Variants in COL19A1 observed in about 807,000 individuals in gnomAD.
The protein encoded by COL19A1 is collagen type XIX alpha 1 chain.
COL19A1 carries 159 observed loss-of-function variants against 190.2 expected under a neutral mutation model. The ratio of observed to expected loss-of-function variants is 0.84; its 90% CI spans 0.73 to 0.95. COL19A1 has a LOEUF of 0.95. Ranked by LOEUF, COL19A1 falls within the 40% of genes least tolerant of loss-of-function variation. The pLI, the probability that COL19A1 is intolerant of heterozygous loss-of-function variation, is 0.00. For synonymous variants in COL19A1, 509 were observed against 458.9 expected (o/e 1.11, Z -1.39); for missense variants, 1,418 against 1,431.9 (o/e 0.99, Z 0.16).
At chr6:70,131,034 T>G in intron 18 of COL19A1, 1 of 462,220 alleles carries the variant, frequency 2.2e-6, no homozygotes, top group Non-Finnish European at 4.5e-6. Flanking sequence ...TTCCGTTGCA[T>G]TCCCCTTGTC....
intron 2 of COL19A1, among the ~76,000 whole-genome samples, chr6:69,883,965 A>G (rs988076189): frequency 6.6e-6 from 1 of 150,394 alleles, no homozygotes; most frequent in Admixed American, 6.6e-5. Context: ...ATAAAAAAAA[A>G]GTGTAAAAGA....
chr6:69,902,064 G>T (rs1434427707), intron 4 of COL19A1, among the ~76,000 whole-genome samples: 2 of 152,168 alleles, frequency 1.3e-5, no homozygotes, highest in African/African-American at 4.8e-5. Context: ...TGGTTCTGTG[G>T]AGCAGAACCT....
intron 17 of COL19A1, among the ~76,000 whole-genome samples, chr6:70,126,940 T>A (rs1159368305): frequency 2.0e-5 from 3 of 152,208 alleles, no homozygotes; most frequent in Admixed American, 2.0e-4. Context: ...AAGTTTTCTA[T>A]CAGCACATGT....
At chr6:70,102,917 C>T (rs1362421891) in intron 16 of COL19A1, among the ~76,000 whole-genome samples, 1 of 152,122 alleles carries the variant, frequency 6.6e-6, no homozygotes. Flanking sequence ...CTATTGACTG[C>T]TCTCTCCTTG....
At chr6:69,952,161 A>C (rs1470105565) in intron 9 of COL19A1, among the ~76,000 whole-genome samples, 1 of 151,920 alleles carries the variant, frequency 6.6e-6, no homozygotes, top group Non-Finnish European at 1.5e-5. Context: ...ATTAAGAATC[A>C]TTATGCATAT....
At position 69,950,302 on chromosome 6, in the gene COL19A1, G is replaced by A. The variant is rs569077500; in HGVS notation, c.937-9694G>A. Among the ~76,000 whole-genome samples, 7 of 151,848 alleles carry A rather than the reference G, an allele frequency of 4.6e-5. No individual in the cohort carries two copies. The South Asian group carries it at 1.5e-3, about 32-fold the overall frequency. On this transcript the variant is annotated intron_variant, in intron 9 of 50. Coordinates refer to ENST00000620364, the MANE Select transcript of COL19A1 (RefSeq NM_001858.6). ...TGTGGAGTCATGAGGACTCTAATAA[G>A]GATGAAGTATAGCATTTAGTTATGT... is the stretch of plus-strand genomic sequence containing the variant.
At chr6:70,044,710 G>T (rs1204439157) in intron 14 of COL19A1, among the ~76,000 whole-genome samples, 1 of 152,074 alleles carries the variant, frequency 6.6e-6, no homozygotes, top group African/African-American at 2.4e-5. Flanking sequence ...AATGCCAGTG[G>T]CAGATATGTT....
chr6:69,912,435 A>G (rs1239803048), intron 4 of COL19A1, among the ~76,000 whole-genome samples: 2 of 152,214 alleles, frequency 1.3e-5, no homozygotes, highest in East Asian at 1.9e-4. Flanking sequence ...AAAGTGATGC[A>G]CATGTGTTCA....
At chr6:69,976,099 C>A (rs1187104528) in intron 11 of COL19A1, among the ~76,000 whole-genome samples, 2 of 152,072 alleles carry the variant, frequency 1.3e-5, no homozygotes, top group African/African-American at 4.8e-5. Context: ...ACTTACTCAT[C>A]ATTCATGTAT....
At chr6:69,933,813 T>C (rs1261709053) in intron 7 of COL19A1, among the ~76,000 whole-genome samples, 15 of 151,990 alleles carry the variant, frequency 9.9e-5, no homozygotes. Flanking sequence ...TAATGCTTCA[T>C]TTGGAAAAAG....
chr6:70,207,189 GC>G lies in COL19A1; in HGVS notation c.3350del (p.Pro1117GlnfsTer30). On this transcript the variant is annotated frameshift_variant, in exon 51 of 51. Coordinates refer to ENST00000620364, the MANE Select transcript of COL19A1 (RefSeq NM_001858.6). LOFTEE classifies it high-confidence loss of function. ...TCACCAGGTGCCCCAGGCCCACAGGGCCCCCCAGGACCCAGTGGAAGATGTA... is the reference window on the plus strand; with the variant it reads ...TCACCAGGTGCCCCAGGCCCACAGGGCCCCCAGGACCCAGTGGAAGATGTA... ...PGSPGAPGPQ[G>X]PPGPSGRCNP... is the part of the protein sequence containing the mutation. 11 of 1,613,250 alleles carry G rather than the reference GC, an allele frequency of 6.8e-6. No homozygotes were observed. The highest frequency in any genetic ancestry group is 1.3e-5 in the African/African-American group (1 of 74,918).
At chr6:69,973,165 C>T (rs1221771796) in intron 11 of COL19A1, among the ~76,000 whole-genome samples, 2 of 152,120 alleles carry the variant, frequency 1.3e-5, no homozygotes, top group Non-Finnish European at 2.9e-5. Context: ...TACAATGTGC[C>T]TACATTTTGC....
At chr6:69,899,490 G>A (rs1406146840) in intron 3 of COL19A1, among the ~76,000 whole-genome samples, 1 of 151,844 alleles carries the variant, frequency 6.6e-6, no homozygotes, top group Non-Finnish European at 1.5e-5. Flanking sequence ...AAAAAATTCC[G>A]AAAGCAGGGT....
chr6:70,107,698 C>G (rs1330521474), intron 16 of COL19A1, among the ~76,000 whole-genome samples: 1 of 152,170 alleles, frequency 6.6e-6, no homozygotes, highest in Non-Finnish European at 1.5e-5. Flanking sequence ...TAAAAGATCA[C>G]TTTGCATATG....
At chr6:70,123,361 GACTGTAA>G (rs1246778466) in intron 17 of COL19A1, among the ~76,000 whole-genome samples, 1 of 151,910 alleles carries the variant, frequency 6.6e-6, no homozygotes, top group African/African-American at 2.4e-5. Context: ...TTGTTGGTGG[GACTGTAA>G]ACTAGTTCAA....
At chr6:69,971,324 T>C (rs922339106) in intron 11 of COL19A1, among the ~76,000 whole-genome samples, 2 of 152,062 alleles carry the variant, frequency 1.3e-5, no homozygotes, top group African/African-American at 4.8e-5. Flanking sequence ...GTTTTCTTAT[T>C]TGTGTCACTG....
At chr6:69,965,030 G>A (rs1460980102) in intron 11 of COL19A1, among the ~76,000 whole-genome samples, 1 of 152,088 alleles carries the variant, frequency 6.6e-6, no homozygotes, top group Non-Finnish European at 1.5e-5. Flanking sequence ...GATTAAACAA[G>A]AAAAGTCTAT....
At chr6:69,983,034 C>A (rs1776134148) in intron 11 of COL19A1, among the ~76,000 whole-genome samples, 1 of 149,284 alleles carries the variant, frequency 6.7e-6, no homozygotes, top group Non-Finnish European at 1.5e-5. Flanking sequence ...AAAATAAAAT[C>A]AACATGCCAA....
chr6:70,149,242 T>C (rs1786874446), intron 27 of COL19A1, among the ~76,000 whole-genome samples: 2 of 152,068 alleles, frequency 1.3e-5, no homozygotes, highest in South Asian at 4.2e-4. Context: ...GAAATTCTAA[T>C]TTTCTAAAAG....
Sources: gnomAD v4.1 joint callset for allele counts (sites outside exome capture counted in the v4.1 genomes callset) on GRCh38, gnomAD v4.1.1 for gene constraint, MANE v1.5 for transcripts, NCBI Gene and HGNC (gene_info 2026-07-23, HGNC 2026-07-21) for gene names.